Variants in MAP6 observed in about 807,000 individuals in gnomAD.
The protein encoded by MAP6 is microtubule-associated protein 6.
A neutral mutation model predicts 42.4 loss-of-function variants in MAP6; 26 were observed. The observed-to-expected ratio is 0.61, with a 90% CI of 0.45 to 0.85. MAP6 has a LOEUF of 0.85. Ranked by LOEUF, MAP6 falls within the 40% of genes least tolerant of loss-of-function variation. The pLI, the probability that MAP6 is intolerant of heterozygous loss-of-function variation, is 0.00. For synonymous variants in MAP6, 418 were observed against 443.8 expected, an observed-to-expected ratio of 0.94 and a Z score of 0.73; for missense variants, 966 against 1,099.0, an observed-to-expected ratio of 0.88 and a Z score of 1.71.
At chr11:75,627,152 T>A (rs1429468140) in intron 1 of MAP6, among the ~76,000 whole-genome samples, 1 of 152,210 alleles carries the variant, frequency 6.6e-6, no homozygotes, top group Non-Finnish European at 1.5e-5. Flanking sequence ...TCAAAAATCA[T>A]CTTCATGCTT....
At chr11:75,617,527 A>AC (rs1276642332) in intron 1 of MAP6, among the ~76,000 whole-genome samples, 4 of 150,044 alleles carry the variant, frequency 2.7e-5, no homozygotes, top group African/African-American at 9.7e-5. Context: ...AAAAAAAAAA[A>AC]AAAAAAAAAA....
At chr11:75,629,238 C>T (rs545202228) in intron 1 of MAP6, among the ~76,000 whole-genome samples, 15 of 152,190 alleles carry the variant, frequency 9.9e-5, no homozygotes, top group African/African-American at 3.6e-4. Context: ...CATGCATGTG[C>T]CACAATGCCT....
At chr11:75,615,836 G>T (rs994086466) in intron 1 of MAP6, among the ~76,000 whole-genome samples, 2 of 152,112 alleles carry the variant, frequency 1.3e-5, no homozygotes, top group Admixed American at 6.5e-5. Context: ...ACAGTTGCTT[G>T]CAGTCATTCA....
At chr11:75,654,872 C>T (rs144501514) in intron 1 of MAP6, among the ~76,000 whole-genome samples, 2 of 152,124 alleles carry the variant, frequency 1.3e-5, no homozygotes, top group African/African-American at 4.8e-5. Context: ...ATGATTCAAA[C>T]CCAGCTTTGA....
intron 1 of MAP6, among the ~76,000 whole-genome samples, chr11:75,655,840 ATT>A (rs1477774850): frequency 6.6e-6 from 1 of 152,234 alleles, no homozygotes; most frequent in African/African-American, 2.4e-5. Flanking sequence ...AATGAGGAGA[ATT>A]AGATTCCTGA....
intron 3 of MAP6, chr11:75,604,581 C>A (rs968909718): frequency 1.0e-6 from 1 of 985,000 alleles, no homozygotes; most frequent in Non-Finnish European, 1.2e-6. Flanking sequence ...TTTTGAGTTC[C>A]CTCACAAGCA....
At chr11:75,648,751 C>T (rs937473419) in intron 1 of MAP6, among the ~76,000 whole-genome samples, 6 of 152,188 alleles carry the variant, frequency 3.9e-5, no homozygotes, top group Middle Eastern at 3.4e-3. Flanking sequence ...AAAAAGATAA[C>T]ACCTGAATAG....
At chr11:75,654,959 T>G (rs914578081) in intron 1 of MAP6, among the ~76,000 whole-genome samples, 12 of 152,202 alleles carry the variant, frequency 7.9e-5, no homozygotes, top group African/African-American at 2.4e-4. Flanking sequence ...AATCTTCTGA[T>G]AGTGTTAACT....
rs1006295105 is a variant in MAP6 at position 75,668,649 on chromosome 11, C to CGGCGA, written c.-285_-281dup. On this transcript the variant is annotated 5_prime_UTR_variant, in exon 1 of 4. Transcript: ENST00000304771. ...GAGACGCACGGCGTTCCCGAGTCCC[C>CGGCGA]GGCGAGGGTGTCTGGGACGCGCCCC... is the stretch of plus-strand genomic sequence containing the variant. 10 of 274,088 alleles carry CGGCGA rather than the reference C, an allele frequency of 3.6e-5. No individual in the cohort carries two copies. The highest frequency in any genetic ancestry group is 2.2e-4 in the Admixed American group (4 of 18,582). 17.0% of individuals were successfully genotyped at this position (274,088 alleles called of 1,614,324 possible). A position where few individuals can be genotyped will look rare whatever the true frequency, so the allele number is the denominator to read the frequency against.
rs1307253532 is a variant in MAP6, at chr11:75,608,848, A to G, written c.906-526T>C. 2.6e-5 allele frequency among the ~76,000 whole-genome samples: 4 copies of G among 152,134 alleles called. No homozygotes were observed. In the East Asian group the frequency reaches 7.7e-4, roughly 29 times the overall value. On this transcript the variant is annotated intron_variant, in intron 1 of 3. Transcript: ENST00000304771. ...CAGATTCCTTGAGGATAATTCCCCCATTTGAATAGCAGAGGGCTTGCTTCT... is the reference window on the plus strand; with the variant it reads ...CAGATTCCTTGAGGATAATTCCCCCGTTTGAATAGCAGAGGGCTTGCTTCT...
At chr11:75,604,496 T>G (rs1010595387) in intron 3 of MAP6, 2 of 985,012 alleles carry the variant, frequency 2.0e-6, no homozygotes, top group African/African-American at 3.5e-5. Context: ...ACAAGAGGAT[T>G]TTAAGGACAG....
In MAP6 at chr11:75,605,954, G is replaced by T; in HGVS notation, c.1170C>A (p.Ser390Arg). Residue 390 changes from serine to arginine, a missense_variant, in exon 3 of 4, where the codon AGC (serine) becomes AGA (arginine). Physicochemically the swap from Ser to Arg is moderately radical, Grantham distance 110. Coordinates refer to ENST00000304771, the MANE Select transcript of MAP6 (RefSeq NM_033063.2). ...QSSKPKKTSA[S>R]HKPTRKAKDK... ...CTTTGGCCTTCCTCGTGGGCTTATG[G>T]CTCGCTGAGGTCTTTTTTGGTTTGG... The T allele has an allele frequency of 6.2e-7, 1 of 1,614,104 alleles. No homozygotes were observed. Among genetic ancestry groups the T allele is most frequent in the Non-Finnish European group, 8.5e-7 (1 of 1,180,036 alleles).
At chr11:75,609,325 G>A (rs867235119) in intron 1 of MAP6, among the ~76,000 whole-genome samples, 1 of 152,126 alleles carries the variant, frequency 6.6e-6, no homozygotes, top group Non-Finnish European at 1.5e-5. Context: ...GTTCTCCTTT[G>A]GGGGCACAAA....
intron 1 of MAP6, among the ~76,000 whole-genome samples, chr11:75,639,850 G>T (rs1218796897): frequency 1.3e-5 from 2 of 152,212 alleles, no homozygotes. Flanking sequence ...CCTGGGCACA[G>T]CTGTGCAGTC....
intron 1 of MAP6, among the ~76,000 whole-genome samples, chr11:75,614,881 A>C (rs1389212983): frequency 6.6e-6 from 1 of 152,260 alleles, no homozygotes; most frequent in East Asian, 1.9e-4. Flanking sequence ...TAAGCAGAGC[A>C]CAGAAGTTCA....
chr11:75,615,528 G>T (rs771317887), intron 1 of MAP6, among the ~76,000 whole-genome samples: 137 of 152,248 alleles, frequency 9.0e-4, no homozygotes, highest in Non-Finnish European at 1.3e-3. Flanking sequence ...TGTACAGAGA[G>T]ATGAAGATCT....
chr11:75,593,841 T>C (rs773262524), intron 3 of MAP6, among the ~76,000 whole-genome samples: 2 of 152,230 alleles, frequency 1.3e-5, no homozygotes, highest in African/African-American at 2.4e-5. Context: ...ATAGAGACAG[T>C]GCACTGACTG....
chr11:75,667,686 T>G lies in MAP6; in HGVS notation c.684A>C (p.Gly228=), dbSNP rs1175355660. 2 of 1,274,856 alleles carry G rather than the reference T, an allele frequency of 1.6e-6. No homozygotes were observed. Among genetic ancestry groups the G allele is most frequent in the African/African-American group, 3.1e-5 (2 of 64,194 alleles). 79.0% of individuals were successfully genotyped at this position (1,274,856 alleles called of 1,614,324 possible). A position where few individuals can be genotyped will look rare whatever the true frequency, so the allele number is the denominator to read the frequency against. ...CGCGCTCGTCCGCCCCGGACGCCTT[T>G]CCGGCCGCCAGGCCACCCGCTCCGC... ...APGGAGGLAA[G]KASGADERDT... is the part of the protein sequence containing the mutation. Residue 228 remains glycine, a synonymous_variant, in exon 1 of 4, where the codon GGA becomes GGC. Transcript: ENST00000304771. The surrounding 1 kb of genome is among the most constrained non-coding windows in gnomAD (Gnocchi z 5.6).
intron 1 of MAP6, among the ~76,000 whole-genome samples, chr11:75,648,485 G>T (rs1943597508): frequency 6.6e-6 from 1 of 151,748 alleles, no homozygotes; most frequent in Admixed American, 6.6e-5. Context: ...GCAACAGAGT[G>T]AGACCCTGTC....
Sources: allele counts gnomAD v4.1 joint callset (sites outside exome capture counted in the v4.1 genomes callset), GRCh38; gene constraint gnomAD v4.1.1; non-coding constraint Gnocchi (gnomAD v3.1); transcripts MANE v1.5; gene names NCBI Gene and HGNC (gene_info 2026-07-23, HGNC 2026-07-21).